The following AFAP1 variants were observed in gnomAD, a reference collection of about 807,000 sequenced individuals.
The protein encoded by AFAP1 is actin filament-associated protein 1.
Under a neutral mutation model 93.9 loss-of-function variants are expected in AFAP1, and 75 were observed. The ratio of observed to expected loss-of-function variants is 0.80; its 90% CI spans 0.66 to 0.97. AFAP1 has a LOEUF of 0.97. Among genes scored for constraint, AFAP1 ranks in the 50% least tolerant of loss-of-function variants. The pLI, the probability that AFAP1 is intolerant of heterozygous loss-of-function variation, is 0.00. For missense variants in AFAP1, 1,201 were observed against 1,050.8 expected, an observed-to-expected ratio of 1.14 and a Z score of -1.98; for synonymous variants, 517 against 430.7, an observed-to-expected ratio of 1.20 and a Z score of -2.48.
At chr4:7,894,883 G>A (rs1164170151) in intron 1 of AFAP1, among the ~76,000 whole-genome samples, 3 of 152,224 alleles carry the variant, frequency 2.0e-5, no homozygotes, top group Non-Finnish European at 4.4e-5. Context: ...AGGGCCATGG[G>A]CTGATCTCCA....
At chr4:7,882,420 T>C (rs1717904983) in intron 1 of AFAP1, among the ~76,000 whole-genome samples, 1 of 150,110 alleles carries the variant, frequency 6.7e-6, no homozygotes, top group South Asian at 2.1e-4. Flanking sequence ...GAAGCAAATA[T>C]AAATGTGATA....
intron 1 of AFAP1, among the ~76,000 whole-genome samples, chr4:7,903,604 G>C (rs1719236970): frequency 6.6e-6 from 1 of 152,216 alleles, no homozygotes; most frequent in Admixed American, 6.5e-5. Context: ...ACTTGAACCT[G>C]GGAGGTAGAG....
intron 1 of AFAP1, among the ~76,000 whole-genome samples, chr4:7,891,775 G>A (rs1183443079): frequency 1.3e-4 from 19 of 146,900 alleles, no homozygotes; most frequent in African/African-American, 4.5e-4. Flanking sequence ...AAGGCCGGGC[G>A]TGGTGGCTTA....
intron 1 of AFAP1, among the ~76,000 whole-genome samples, chr4:7,873,881 C>T (rs1717291066): frequency 6.6e-6 from 1 of 152,166 alleles, no homozygotes; most frequent in Admixed American, 6.5e-5. Context: ...CAAGAATGAA[C>T]ACATGAGCTC....
At position 7,868,710 on chromosome 4, in the gene AFAP1, A is replaced by T; in HGVS notation, c.137T>A (p.Val46Glu). ...CTCCTGCTTCTGAGCATGGTCCTTC[A>T]CATCAAAACCTGTAAGAATTAACCA... ...LRIQSSKGFD[V>E]KDHAQKQETA... Residue 46 changes from valine (V) to glutamate (E), a missense_variant, in exon 3 of 18, where the codon GTG (valine) becomes GAG (glutamate). Physicochemically the swap from Val to Glu is moderately radical, Grantham distance 121. Transcript: ENST00000420658. The T allele has an allele frequency of 1.9e-6, 3 of 1,613,390 alleles. No homozygotes were observed. The highest frequency in any genetic ancestry group is 2.5e-6 in the Non-Finnish European group (3 of 1,179,904).
intron 10 of AFAP1, 35 bp downstream of exon 10, chr4:7,800,407 C>G (rs1718909637): frequency 4.4e-6 from 7 of 1,606,682 alleles, no homozygotes; most frequent in Non-Finnish European, 6.0e-6. Context: ...CGCGTGTGTC[C>G]CTCTGTGGAG....
chr4:7,927,785 T>C (rs12509421), intron 1 of AFAP1, among the ~76,000 whole-genome samples: 47,204 of 152,158 alleles, frequency 0.31, 8,634 homozygotes, highest in Non-Finnish European at 0.43. Flanking sequence ...GAAGGGGGGA[T>C]AAAAATTTCA....
At chr4:7,849,142 C>T (rs1714145456) in intron 4 of AFAP1, among the ~76,000 whole-genome samples, 1 of 152,132 alleles carries the variant, frequency 6.6e-6, no homozygotes, top group African/African-American at 2.4e-5. Context: ...CAGACCCTGC[C>T]TTTTCGTTTC....
intron 1 of AFAP1, among the ~76,000 whole-genome samples, chr4:7,926,942 G>C (rs1480034631): frequency 1.3e-5 from 2 of 152,108 alleles, no homozygotes; most frequent in Admixed American, 1.3e-4. Context: ...CAACTTGTTG[G>C]CCAGGCTGGT....
chr4:7,838,774 A>G lies in AFAP1; in HGVS notation c.547-71T>C, dbSNP rs1443599137. 46 of 1,556,498 alleles carry G rather than the reference A, an allele frequency of 3.0e-5. No homozygotes were observed. The East Asian group carries it at 9.9e-4, about 34-fold the overall frequency. ...ACAGAAACACTGAGGAAGCTCTAGC[A>G]TCATGAAAACCTGAGTGCGGGCAAG... On this transcript the variant is annotated intron_variant, in intron 5 of 17. Coordinates refer to ENST00000420658, the MANE Select transcript of AFAP1 (RefSeq NM_001134647.2).
intron 1 of AFAP1, among the ~76,000 whole-genome samples, chr4:7,879,699 CTT>C (rs552211338): frequency 1.3e-4 from 16 of 121,680 alleles, no homozygotes; most frequent in Admixed American, 2.7e-4. Flanking sequence ...TGCTTGCTTG[CTT>C]TTTTTTTTTT....
intron 6 of AFAP1, among the ~76,000 whole-genome samples, chr4:7,837,478 GAAT>G (rs1374738735): frequency 2.6e-5 from 4 of 152,164 alleles, no homozygotes; most frequent in Non-Finnish European, 5.9e-5. Context: ...ACCAGACACT[GAAT>G]AGAACGGTCC....
chr4:7,892,399 G>A (rs893344913), intron 1 of AFAP1, among the ~76,000 whole-genome samples: 4 of 152,160 alleles, frequency 2.6e-5, no homozygotes, highest in African/African-American at 9.7e-5. Context: ...AGCAGTGGGA[G>A]GTTCCAGACT....
chr4:7,863,737 A>G (rs1035437515), intron 3 of AFAP1, among the ~76,000 whole-genome samples: 1 of 152,138 alleles, frequency 6.6e-6, no homozygotes, highest in Non-Finnish European at 1.5e-5. Context: ...AAGCACTATT[A>G]GACACTAAAA....
chr4:7,822,593 T>C (rs796907402), intron 6 of AFAP1, among the ~76,000 whole-genome samples: 6 of 147,128 alleles, frequency 4.1e-5, no homozygotes, highest in Admixed American at 2.0e-4. Flanking sequence ...TTTCTTTTTT[T>C]TTTTTTTTTG....
chr4:7,770,290 G>A (rs1190496355), intron 16 of AFAP1, among the ~76,000 whole-genome samples: 5 of 152,228 alleles, frequency 3.3e-5, no homozygotes, highest in Admixed American at 3.3e-4. Flanking sequence ...CGAGCCATGG[G>A]GGTGGAAGAA....
At chr4:7,818,695 G>A (rs78304706) in intron 7 of AFAP1, among the ~76,000 whole-genome samples, 1 of 152,208 alleles carries the variant, frequency 6.6e-6, no homozygotes, top group African/African-American at 2.4e-5. Context: ...AAGGGAGACA[G>A]AGACACATCC....
intron 4 of AFAP1, among the ~76,000 whole-genome samples, chr4:7,849,166 T>G (rs1217415684): frequency 6.6e-6 from 1 of 152,148 alleles, no homozygotes; most frequent in African/African-American, 2.4e-5. Flanking sequence ...GCACTGGCTT[T>G]GCTGAGGCCA....
intron 1 of AFAP1, among the ~76,000 whole-genome samples, chr4:7,893,092 G>GT (rs1326467079): frequency 6.6e-6 from 1 of 152,152 alleles, no homozygotes; most frequent in East Asian, 1.9e-4. Context: ...CCCGGTGCCG[G>GT]GGGGGCAGAA....
Sources: allele counts gnomAD v4.1 joint callset (sites outside exome capture counted in the v4.1 genomes callset), GRCh38; gene constraint gnomAD v4.1.1; transcripts MANE v1.5; gene names NCBI Gene and HGNC (gene_info 2026-07-23, HGNC 2026-07-21).